PKD1L3: variants seen among roughly 807,000 people sequenced by gnomAD.
PKD1L3 encodes polycystin-1-like protein 3.
In PKD1L3, 239 loss-of-function variants were observed where a neutral mutation model predicts 184.1. The ratio of observed to expected loss-of-function variants is 1.30; its 90% CI spans 1.17 to 1.45. The LOEUF is 1.45. Among genes scored for constraint, PKD1L3 ranks in the 40% most tolerant of loss-of-function variants. The probability of loss-of-function intolerance (pLI) is 0.00; values close to 1 mark genes in which losing one functional copy is unlikely to be tolerated. For synonymous variants in PKD1L3, 996 were observed against 778.8 expected, an observed-to-expected ratio of 1.28 and a Z score of -4.64; for missense variants, 2,660 against 2,067.2, an observed-to-expected ratio of 1.29 and a Z score of -5.56.
chr16:71,979,247 C>G (rs532350467), intron 9 of PKD1L3, among the ~76,000 whole-genome samples: 48 of 152,236 alleles, frequency 3.2e-4, no homozygotes, highest in African/African-American at 1.1e-3. Context: ...AGTTTGAGAC[C>G]AGTCTGGCCA....
intron 3 of PKD1L3, among the ~76,000 whole-genome samples, chr16:71,990,591 G>A (rs12444854): frequency 0.21 from 31,787 of 151,824 alleles, 4,046 homozygotes; most frequent in South Asian, 0.42. Context: ...ATAATTAGCC[G>A]GGCGTGGTGG....
At chr16:71,944,251 G>T in intron 22 of PKD1L3, 81 bp from the exon 23 acceptor site, 1 of 1,266,912 alleles carries the variant, frequency 7.9e-7, no homozygotes, top group South Asian at 1.4e-5. Context: ...CATCTACTGT[G>T]AGCACCTCCT....
intron 2 of PKD1L3, among the ~76,000 whole-genome samples, chr16:71,997,264 T>A (rs1363934207): frequency 1.3e-5 from 2 of 151,894 alleles, no homozygotes; most frequent in Non-Finnish European, 2.9e-5. Flanking sequence ...CAGCAATTGC[T>A]CAGTTGTATG....
At chr16:71,959,924 G>C (rs2039204492) in intron 16 of PKD1L3, among the ~76,000 whole-genome samples, 1 of 152,040 alleles carries the variant, frequency 6.6e-6, no homozygotes, top group Admixed American at 6.6e-5. Flanking sequence ...TCAAGAACTA[G>C]CTTGGGCAAC....
chr16:71,958,642 G>T (rs145925668), intron 16 of PKD1L3, among the ~76,000 whole-genome samples: 2 of 150,230 alleles, frequency 1.3e-5, no homozygotes, highest in Non-Finnish European at 3.0e-5. Flanking sequence ...TTAGCCAGGC[G>T]TGGTGGTGGG....
In PKD1L3 at chr16:71,977,560, C is replaced by CTTT. The variant is rs1555523481; in HGVS notation, c.1528-96_1528-94dup. ...GATAAGGTAAGGAAACGTCCTAGCT[C>CTTT]TTTTTTTTTTTTTTTTTTTTGAGAT... is the stretch of plus-strand genomic sequence containing the variant. On this transcript the variant is annotated intron_variant, in intron 10 of 29. Coordinates refer to ENST00000620267, the MANE Select transcript of PKD1L3 (RefSeq NM_181536.2). 6.4e-4 allele frequency: 345 copies of CTTT among 542,048 alleles called. 12 individuals carry two copies. The highest frequency in any genetic ancestry group is 1.2e-3 in the South Asian group (41 of 35,402). The allele number at this position is 542,048 out of a possible 1,614,324, so 33.6% of individuals were successfully genotyped here.
chr16:71,994,204 G>C (rs989374914), intron 2 of PKD1L3, among the ~76,000 whole-genome samples: 1 of 152,062 alleles, frequency 6.6e-6, no homozygotes, highest in East Asian at 1.9e-4. Context: ...CGTGAAGCTC[G>C]AGCAGCCTGC....
At chr16:71,931,637 G>A (rs183515899) in intron 28 of PKD1L3, among the ~76,000 whole-genome samples, 108 of 151,752 alleles carry the variant, frequency 7.1e-4, no homozygotes, top group Middle Eastern at 3.4e-3. Flanking sequence ...GCTAATTTTT[G>A]TATTTTAGTA....
intron 28 of PKD1L3, among the ~76,000 whole-genome samples, chr16:71,931,787 C>CA (rs1597270791): frequency 6.6e-6 from 1 of 152,068 alleles, no homozygotes; most frequent in African/African-American, 2.4e-5. Context: ...TTAAAAATGG[C>CA]ACAGTATTTG....
At position 71,950,164 on chromosome 16, in the gene PKD1L3, C is replaced by G. The variant is rs918828471; in HGVS notation, c.3337G>C (p.Glu1113Gln). Residue 1113 changes from glutamate to glutamine, a missense_variant, in exon 20 of 30, where the codon GAA becomes CAA. By Grantham distance (29) the Glu-to-Gln change is conservative. Transcript: ENST00000620267. Reference protein sequence around the residue: ...DAASQLQKLQELLETHILPTE... With the variant: ...DAASQLQKLQQLLETHILPTE... ...GGAAGAATATGTGTTTCCAAGAGTT[C>G]CTGGAGTTTTTGAAGTTGGCTGGCT... is the stretch of plus-strand genomic sequence containing the variant. The G allele has an allele frequency of 6.4e-7, 1 of 1,552,052 alleles. No individual in the cohort carries two copies. The highest frequency in any genetic ancestry group is 8.7e-7 in the Non-Finnish European group (1 of 1,147,098).
At chr16:71,973,976 T>C (rs1047356423) in intron 11 of PKD1L3, among the ~76,000 whole-genome samples, 3 of 147,252 alleles carry the variant, frequency 2.0e-5, no homozygotes, top group Non-Finnish European at 4.4e-5. Flanking sequence ...TACTCTAGCC[T>C]GGGCAACAGA....
At chr16:71,940,103 G>T (rs1466362063) in intron 24 of PKD1L3, among the ~76,000 whole-genome samples, 1 of 141,806 alleles carries the variant, frequency 7.1e-6, no homozygotes, top group Non-Finnish European at 1.5e-5. Context: ...ACTGAAAATA[G>T]CATCAACTGA....
chr16:71,977,111 G>C, intron 11 of PKD1L3, 125 bp downstream of exon 11: 1 of 738,620 alleles, frequency 1.4e-6, no homozygotes, highest in Non-Finnish European at 2.3e-6. Flanking sequence ...TACTTAAGAG[G>C]CTAAGGCAGG....
chr16:71,978,516 T>TAC (rs2040020817), intron 9 of PKD1L3, 133 bp from the exon 10 acceptor site: 1 of 127,522 alleles, frequency 7.8e-6, no homozygotes, highest in Non-Finnish European at 1.5e-5. Context: ...TATATATATA[T>TAC]ATATACATAC....
chr16:71,953,492 T>C (rs138023385), intron 17 of PKD1L3, among the ~76,000 whole-genome samples: 2 of 152,080 alleles, frequency 1.3e-5, no homozygotes, highest in South Asian at 4.1e-4. Flanking sequence ...TTACAAAGCA[T>C]TACAAAGCAC....
At chr16:71,981,654 C>T (rs1438971632) in intron 7 of PKD1L3, among the ~76,000 whole-genome samples, 1 of 151,488 alleles carries the variant, frequency 6.6e-6, no homozygotes, top group Non-Finnish European at 1.5e-5. Flanking sequence ...GATTCTCCTG[C>T]CTCAGCCTCC....
At chr16:71,988,489 C>A (rs974666620) in intron 4 of PKD1L3, among the ~76,000 whole-genome samples, 23 of 152,206 alleles carry the variant, frequency 1.5e-4, no homozygotes, top group African/African-American at 4.8e-4. Context: ...GCCACCGCAC[C>A]AAGCCAGCAA....
intron 29 of PKD1L3, 31 bp downstream of exon 29, chr16:71,930,021 C>T (rs34029919): frequency 0.25 from 380,870 of 1,535,706 alleles, 50,615 homozygotes; most frequent in Middle Eastern, 0.29. Flanking sequence ...AGTGATATAA[C>T]AGCATGCTAG....
chr16:71,968,631 T>C (rs2039590586), intron 13 of PKD1L3, among the ~76,000 whole-genome samples: 1 of 152,370 alleles, frequency 6.6e-6, no homozygotes, highest in African/African-American at 2.4e-5. Flanking sequence ...AGTCTTGCTA[T>C]GTTGCCCAGG....
Sources: gnomAD v4.1 joint callset for allele counts (sites outside exome capture counted in the v4.1 genomes callset) on GRCh38, gnomAD v4.1.1 for gene constraint, MANE v1.5 for transcripts, NCBI Gene and HGNC (gene_info 2026-07-23, HGNC 2026-07-21) for gene names.